FAM9B: variants seen among roughly 807,000 people sequenced by gnomAD.
The protein encoded by FAM9B is protein FAM9B.
FAM9B carries 18 observed loss-of-function variants against 16.6 expected under a neutral mutation model. The observed-to-expected ratio is 1.09, with a 90% confidence interval of 0.75 to 1.61. FAM9B has a LOEUF of 1.61. Among genes scored for constraint, FAM9B ranks in the 40% most tolerant of loss-of-function variants. The pLI is 0.00. For missense variants in FAM9B, 155 were observed against 136.0 expected (o/e 1.14, Z -0.70); for synonymous variants, 43 against 42.6 (o/e 1.01, Z -0.03).
At chrX:9,033,571 A>G (rs865906782) in intron 1 of FAM9B, among the ~76,000 whole-genome samples, 2 of 7,135 alleles carry the variant, frequency 2.8e-4, no homozygotes, top group Admixed American at 1.5e-3. Flanking sequence ...CCCCCGCCTC[A>G]CTCCCACTTC....
In FAM9B at chrX:9,025,339, T is replaced by C. The variant is rs1920958613; in HGVS notation, c.*70A>G. ...TCTTCAGTCATCAGAATAACAGAGG[T>C]TGAAGAGACAACTGGGTAAGTGCCA... On this transcript the variant is annotated 3_prime_UTR_variant, in exon 9 of 9. Coordinates refer to ENST00000327220, the MANE Select transcript of FAM9B (RefSeq NM_205849.3). The C allele has an allele frequency of 1.3e-5, 5 of 387,793 alleles. No homozygotes were observed. The highest frequency in any genetic ancestry group is 7.2e-4 in the Middle Eastern group (1 of 1,395). 32.0% of individuals were successfully genotyped at this position (387,793 alleles called of 1,213,427 possible).
chrX:9,032,883 G>A (rs1921128100), intron 2 of FAM9B, 76 bp downstream of exon 2: 4 of 1,167,814 alleles, frequency 3.4e-6, no homozygotes, highest in Middle Eastern at 4.8e-4. Flanking sequence ...CTGCCCCTGT[G>A]CCCCCAGCGC....
intron 5 of FAM9B, 32 bp from the exon 6 acceptor site, chrX:9,029,450 G>A (rs780102149): frequency 1.3e-5 from 13 of 982,030 alleles, no homozygotes; most frequent in Non-Finnish European, 1.7e-5. Context: ...ACGGTCATAC[G>A]TCATAGAGAG....
In FAM9B at chrX:9,027,922, A is replaced by C. The variant is rs1331323164; in HGVS notation, c.438T>G (p.Ser146Arg). 8.3e-7 allele frequency: 1 copy of C among 1,208,621 alleles called. No homozygotes were observed. Among genetic ancestry groups the C allele is most frequent in the East Asian group, 3.0e-5 (1 of 33,703 alleles). ...TCTCTTTCAGCCTCTCTCTCCTAACACTTCTATATTGTTGCCACTTCTTCT... is the reference window on the plus strand; with the variant it reads ...TCTCTTTCAGCCTCTCTCTCCTAACCCTTCTATATTGTTGCCACTTCTTCT... The part of the protein sequence containing the change: ...EQQKKWQQYR[S>R]VRRERLKEMK... The change falls in exon 7 of 9, where the codon AGT (serine) becomes AGG (arginine). Residue 146 changes from serine (S) to arginine (R), a missense_variant. By Grantham distance (110) the Ser-to-Arg change is moderately radical. Transcript: ENST00000327220.
At position 9,024,381 on chromosome X, in the gene FAM9B, A is replaced by G. The variant is rs953422335; in HGVS notation, c.*1028T>C. The G allele has an allele frequency of 1.8e-5, 2 of 111,911 alleles. No individual in the cohort carries two copies. Among genetic ancestry groups the G allele is most frequent in the African/African-American group, 6.5e-5 (2 of 30,850 alleles). The allele number at this position is 111,911 out of a possible 1,213,427, so 9.2% of individuals were successfully genotyped here. On this transcript the variant is annotated 3_prime_UTR_variant, in exon 9 of 9. Coordinates refer to ENST00000327220, the MANE Select transcript of FAM9B (RefSeq NM_205849.3). The stretch of plus-strand genomic sequence containing the variant: ...AATGTTAACAAAATGCTTTCATTCA[A>G]TTCTAAGGGGAGGTATCATTGAATG...
At chrX:9,033,235 G>GGCCCGTCCA in intron 1 of FAM9B, 160 bp from the exon 2 acceptor site, 1 of 1,105,859 alleles carries the variant, frequency 9.0e-7, no homozygotes, top group Non-Finnish European at 1.2e-6. Flanking sequence ...CTCCTGTCCT[G>GGCCCGTCCA]GCCCGTCCAG....
At chrX:9,032,528 G>A in intron 2 of FAM9B, 67 bp from the exon 3 acceptor site, 1 of 593,833 alleles carries the variant, frequency 1.7e-6, no homozygotes, top group South Asian at 2.8e-5. Context: ...TTTTTGTGGA[G>A]AAATGTACTA....
chrX:9,028,364 T>C (rs769784434), intron 6 of FAM9B, among the ~76,000 whole-genome samples: 6 of 111,443 alleles, frequency 5.4e-5, no homozygotes, highest in Non-Finnish European at 1.1e-4. Context: ...AATATGCACA[T>C]AGATGAACCA....
In FAM9B at chrX:9,027,809, G is replaced by A. The variant is rs199641639; in HGVS notation, c.492+59C>T. ...CCATACATTCAGAAACAAGCAGACTGTCTTCTATTATGCACGTGTTGTATT... is the reference window on the plus strand; with the variant it reads ...CCATACATTCAGAAACAAGCAGACTATCTTCTATTATGCACGTGTTGTATT... On this transcript the variant is annotated intron_variant, in intron 7 of 8. Coordinates refer to ENST00000327220, the MANE Select transcript of FAM9B (RefSeq NM_205849.3). The A allele has an allele frequency of 8.7e-6, 8 of 919,827 alleles. No homozygotes were observed. In the East Asian group the frequency reaches 9.3e-5, roughly 11 times the overall value. 75.8% of individuals were successfully genotyped at this position (919,827 alleles called of 1,213,427 possible). A position where few individuals can be genotyped will look rare whatever the true frequency, so the allele number is the denominator to read the frequency against.
At chrX:9,033,695 A>ACACC in intron 1 of FAM9B, 157 bp downstream of exon 1, 1 of 65,863 alleles carries the variant, frequency 1.5e-5, no homozygotes, top group Non-Finnish European at 1.8e-5. Flanking sequence ...ACCCCAGCCC[A>ACACC]CCCTAGCCCA....
chrX:9,033,258 G>C, intron 1 of FAM9B, 183 bp from the exon 2 acceptor site: 1 of 1,089,978 alleles, frequency 9.2e-7, no homozygotes, highest in Non-Finnish European at 1.2e-6. Context: ...CGTCCCCGGG[G>C]CTGGCTGCAA....
chrX:9,033,637 G>T, intron 1 of FAM9B: 1 of 602,540 alleles, frequency 1.7e-6, no homozygotes, highest in Non-Finnish European at 2.0e-6. Context: ...ACCCTCCCGG[G>T]CCCTAGGGAT....
chrX:9,025,331 A>T lies in FAM9B; in HGVS notation c.*78T>A, dbSNP rs1920958536. ...AAGTTCTTTCTTCAGTCATCAGAAT[A>T]ACAGAGGTTGAAGAGACAACTGGGT... On this transcript the variant is annotated 3_prime_UTR_variant, in exon 9 of 9. Coordinates refer to ENST00000327220, the MANE Select transcript of FAM9B (RefSeq NM_205849.3). The T allele has an allele frequency of 1.8e-5, 7 of 379,596 alleles. No individual in the cohort carries two copies. The East Asian group carries it at 3.0e-4, about 16-fold the overall frequency. The allele number at this position is 379,596 out of a possible 1,213,427, so 31.3% of individuals were successfully genotyped here. A position where few individuals can be genotyped will look rare whatever the true frequency, so the allele number is the denominator to read the frequency against.
At chrX:9,031,130 T>C (rs1023170221) in intron 4 of FAM9B, 2 of 111,561 alleles carry the variant, frequency 1.8e-5, no homozygotes, top group African/African-American at 6.5e-5. Flanking sequence ...TTACATACAG[T>C]CTCCATCTAT....
chrX:9,032,775 G>C, intron 2 of FAM9B, 184 bp downstream of exon 2: 3 of 642,721 alleles, frequency 4.7e-6, no homozygotes, highest in Middle Eastern at 3.9e-4. Flanking sequence ...AGCCTTCCAC[G>C]GGGAAGCCTA....
At chrX:9,025,452 T>C in intron 8 of FAM9B, 32 bp downstream of exon 8, 2 of 934,187 alleles carry the variant, frequency 2.1e-6, no homozygotes, top group Non-Finnish European at 3.0e-6. Flanking sequence ...ACATCAATCC[T>C]GAGTTTTTAA....
chrX:9,033,704 C>T lies in FAM9B; in HGVS notation c.-90+148G>A, dbSNP rs751095207. 4 of 644,386 alleles carry T rather than the reference C, an allele frequency of 6.2e-6. No homozygotes were observed. In the South Asian group the frequency reaches 3.4e-4, roughly 54 times the overall value. 53.1% of individuals were successfully genotyped at this position (644,386 alleles called of 1,213,427 possible). On this transcript the variant is annotated intron_variant, in intron 1 of 8. Coordinates refer to ENST00000327220, the MANE Select transcript of FAM9B (RefSeq NM_205849.3). ...TGGCCCACCCCAGCCCACCCTAGCC[C>T]ACCCTCAGGGCCTCGCCCTGACCCA...
intron 4 of FAM9B, chrX:9,031,494 TAAAGA>T (rs1295247077): frequency 9.0e-6 from 1 of 111,401 alleles, no homozygotes; most frequent in Non-Finnish European, 1.9e-5. Flanking sequence ...TCTTGTACTT[TAAAGA>T]AAACAAAATC....
At chrX:9,033,319 C>T (rs1010516017) in intron 1 of FAM9B, 16 of 1,054,437 alleles carry the variant, frequency 1.5e-5, no homozygotes, top group East Asian at 1.0e-4. Context: ...GCGGGATCCT[C>T]GCCGCCCTTT....
Sources: allele counts gnomAD v4.1 joint callset (sites outside exome capture counted in the v4.1 genomes callset), GRCh38; gene constraint gnomAD v4.1.1; transcripts MANE v1.5; gene names NCBI Gene and HGNC (gene_info 2026-07-23, HGNC 2026-07-21).